GSDMB: variants seen among roughly 807,000 people sequenced by gnomAD.
GSDMB encodes gasdermin-B.
A neutral mutation model predicts 42.9 loss-of-function variants in GSDMB; 32 were observed. That is an observed-to-expected ratio of 0.75 (90% CI 0.56 to 1.00). The LOEUF (loss-of-function observed/expected upper bound fraction) is 1.00, where lower values mean the gene tolerates loss of function less well. Among genes scored for constraint, GSDMB ranks in the 50% least tolerant of loss-of-function variants. The pLI, the probability that GSDMB is intolerant of heterozygous loss-of-function variation, is 0.00. For missense variants in GSDMB, 468 were observed against 498.5 expected, an observed-to-expected ratio of 0.94 and a Z score of 0.58; for synonymous variants, 175 against 193.7, an observed-to-expected ratio of 0.90 and a Z score of 0.80.
intron 7 of GSDMB, chr17:39,906,688 C>T: frequency 1.0e-6 from 1 of 985,368 alleles, no homozygotes; most frequent in South Asian, 2.3e-5. Context: ...ATGTCCAGGC[C>T]ACACCCCCAC....
At chr17:39,917,717 C>T (rs2063740869) in intron 1 of GSDMB, 1 of 218,028 alleles carries the variant, frequency 4.6e-6, no homozygotes, top group African/African-American at 2.3e-5. Context: ...ATGATAATGC[C>T]ACCACCCTTT....
At position 39,912,338 on chromosome 17, in the gene GSDMB, G is replaced by GT. The variant is rs1377412784; in HGVS notation, c.394dup (p.Thr132AsnfsTer3). On this transcript the variant is annotated frameshift_variant, in exon 3 of 11. Transcript: ENST00000418519. LOFTEE classifies it high-confidence loss of function. ...ACTCCAACCTCACCTGTTTTCAAGG[G>GT]TAGCCAGATACTGCTGGGATATCCG... The GT allele has an allele frequency of 3.1e-6, 5 of 1,613,760 alleles. No individual in the cohort carries two copies. In the East Asian group the frequency reaches 1.1e-4, roughly 36 times the overall value.
intron 4 of GSDMB, chr17:39,909,452 T>C: frequency 2.5e-6 from 1 of 393,464 alleles, no homozygotes; most frequent in South Asian, 3.6e-5. Context: ...ATCCCAGCAC[T>C]TTGGGAGGCC....
At chr17:39,905,375 A>G (rs1477301257) in intron 10 of GSDMB, 51 bp downstream of exon 10, 9 of 1,275,354 alleles carry the variant, frequency 7.1e-6, no homozygotes, top group South Asian at 1.3e-5. Context: ...CCTTGAGAAT[A>G]TGGGCATTCC....
At chr17:39,911,076 TG>T (rs1283570436) in intron 3 of GSDMB, among the ~76,000 whole-genome samples, 4 of 151,946 alleles carry the variant, frequency 2.6e-5, no homozygotes, top group African/African-American at 4.8e-5. Context: ...CCAAGGCAGG[TG>T]GATCACCTGA....
chr17:39,915,273 T>C (rs1283338844), intron 2 of GSDMB, among the ~76,000 whole-genome samples: 2 of 152,238 alleles, frequency 1.3e-5, no homozygotes, highest in African/African-American at 4.8e-5. Context: ...TGCCCAGCCC[T>C]ATGCACACTT....
At chr17:39,917,615 A>C in intron 1 of GSDMB, 1 of 369,968 alleles carries the variant, frequency 2.7e-6, no homozygotes, top group Admixed American at 4.0e-5. Flanking sequence ...GTACTTTGTA[A>C]TATTCTCCCC....
At chr17:39,915,056 C>T (rs1221868823) in intron 2 of GSDMB, among the ~76,000 whole-genome samples, 3 of 151,810 alleles carry the variant, frequency 2.0e-5, no homozygotes, top group African/African-American at 7.3e-5. Flanking sequence ...AGGCTGGTCT[C>T]GAACTCCTGG....
At position 39,907,006 on chromosome 17, in the gene GSDMB, T is replaced by G. The variant is rs747466966; in HGVS notation, c.701-19A>C. ...TCCTTCTCTGCAGAGAGAGGAAGAGTTATTTCAGAATCTTCAGATCACCTC... is the reference window on the plus strand; with the variant it reads ...TCCTTCTCTGCAGAGAGAGGAAGAGGTATTTCAGAATCTTCAGATCACCTC... On this transcript the variant is annotated intron_variant, in intron 6 of 10. Transcript: ENST00000418519. 1 of 1,613,592 alleles carries G rather than the reference T, an allele frequency of 6.2e-7. No individual in the cohort carries two copies. Among genetic ancestry groups the G allele is most frequent in the Non-Finnish European group, 8.5e-7 (1 of 1,179,808 alleles).
At chr17:39,909,276 A>G (rs2063563911) in intron 4 of GSDMB, among the ~76,000 whole-genome samples, 1 of 152,176 alleles carries the variant, frequency 6.6e-6, no homozygotes, top group South Asian at 2.1e-4. Flanking sequence ...TGTTCATTCA[A>G]CAAATGTTTA....
chr17:39,906,633 A>G, intron 7 of GSDMB: 1 of 1,296,600 alleles, frequency 7.7e-7, no homozygotes, highest in South Asian at 2.2e-5. Context: ...GTGGTTCTCA[A>G]CCTTGACTAC....
rs1459332795 is a variant in GSDMB, at chr17:39,905,831, C to T, written c.1027+16G>A. On this transcript the variant is annotated intron_variant, in intron 9 of 10. Coordinates refer to ENST00000418519, the MANE Select transcript of GSDMB (RefSeq NM_001165958.2). ...ACACTTCCTCCACCCCAGCCTACAG[C>T]GAGACCCTTCCTCACCTAGCAGGGC... The T allele has an allele frequency of 6.2e-6, 10 of 1,612,298 alleles. No homozygotes were observed. The highest frequency in any genetic ancestry group is 1.7e-5 in the Admixed American group (1 of 59,942).
At chr17:39,906,741 G>A in intron 7 of GSDMB, 1 of 1,317,122 alleles carries the variant, frequency 7.6e-7, no homozygotes, top group South Asian at 1.9e-5. Flanking sequence ...GTCGTCACTA[G>A]TTTTAAAGTT....
At chr17:39,908,371 T>TTTTTG (rs2063545590) in intron 5 of GSDMB, 157 bp from the exon 6 acceptor site, 4 of 540,522 alleles carry the variant, frequency 7.4e-6, no homozygotes, top group Non-Finnish European at 1.3e-5. Context: ...TTTGTTTTTG[T>TTTTTG]TTTTTGTTTT....
rs534789851 is a variant in GSDMB, at chr17:39,909,267, G to T, written c.577-225C>A. Among the ~76,000 whole-genome samples the T allele has an allele frequency of 2.6e-5, 4 of 152,308 alleles. No homozygotes were observed. In the South Asian group the frequency reaches 8.3e-4, roughly 32 times the overall value. On this transcript the variant is annotated intron_variant, in intron 4 of 10. Transcript: ENST00000418519. ...TGCCAAAACTCATCTTGTTGCCACT[G>T]TTCATTCAACAAATGTTTACTGAGG...
chr17:39,911,478 A>T (rs1252910782), intron 3 of GSDMB, among the ~76,000 whole-genome samples: 1 of 152,164 alleles, frequency 6.6e-6, no homozygotes, highest in Non-Finnish European at 1.5e-5. Flanking sequence ...TGCTGAGGGG[A>T]TGGCTAGTGA....
At position 39,916,280 on chromosome 17, in the gene GSDMB, AT is replaced by A. The variant is rs3076832; in HGVS notation, c.235+801del. Among the ~76,000 whole-genome samples, 471 of 119,080 alleles carry A rather than the reference AT, an allele frequency of 4.0e-3. 1 individual carries two copies. The highest frequency in any genetic ancestry group is 8.3e-3 in the African/African-American group (252 of 30,274). 78.1% of individuals were successfully genotyped at this position (119,080 alleles called of 152,430 possible). On this transcript the variant is annotated intron_variant, in intron 2 of 10. Transcript: ENST00000418519. ...GATTCACGTAATTTGTTCTCATTTG[AT>A]TTTTTTTTTTTTTTTTTTTGAGACA...
At chr17:39,908,087 C>T (rs1373415196) in intron 6 of GSDMB, 89 bp downstream of exon 6, 11 of 801,244 alleles carry the variant, frequency 1.4e-5, no homozygotes, top group South Asian at 8.7e-5. Context: ...ACCACATCCT[C>T]GGACCTAACC....
intron 7 of GSDMB, chr17:39,906,693 C>CA: frequency 8.4e-7 from 1 of 1,191,666 alleles, no homozygotes; most frequent in Non-Finnish European, 1.1e-6. Flanking sequence ...CAGGCCACAC[C>CA]CCCACAATTA....
Sources: allele counts gnomAD v4.1 joint callset (sites outside exome capture counted in the v4.1 genomes callset), GRCh38; gene constraint gnomAD v4.1.1; transcripts MANE v1.5; gene names NCBI Gene and HGNC (gene_info 2026-07-23, HGNC 2026-07-21).